Variants in CDH4 observed in about 807,000 individuals in gnomAD.
CDH4 encodes the protein cadherin-4.
Under a neutral mutation model 86.0 loss-of-function variants are expected in CDH4, and 33 were observed. That is an observed-to-expected ratio of 0.38 (90% CI 0.29 to 0.51). The LOEUF is 0.51. Ranked by LOEUF, CDH4 falls within the 20% of genes least tolerant of loss-of-function variation. The pLI is 0.86. For synonymous variants in CDH4, 555 were observed against 549.4 expected (o/e 1.01, Z -0.14); for missense variants, 1,114 against 1,307.4 (o/e 0.85, Z 2.28).
chr20:61,917,969 T>C (rs913399635), intron 9 of CDH4, among the ~76,000 whole-genome samples: 53 of 152,264 alleles, frequency 3.5e-4, no homozygotes, highest in Admixed American at 2.4e-3. Flanking sequence ...AGCCAATAAA[T>C]ATGGGAGAAA....
Position 61,936,786 on chromosome 20 carries a change from T to G in CDH4, c.2594T>G (p.Leu865Arg). ...NDPTAPPYDS[L>R]LVFDYEGSGS... Reference sequence around the variant, plus strand: ...CCCACGGCACCCCCCTATGACTCCCTGCTGGTCTTCGACTACGAGGGGAGC... The same window carrying G: ...CCCACGGCACCCCCCTATGACTCCCGGCTGGTCTTCGACTACGAGGGGAGC... The change falls in exon 16 of 16, where the codon CTG becomes CGG. Residue 865 changes from leucine (L) to arginine (R), a missense_variant. By Grantham distance (102) the Leu-to-Arg change is moderately radical (BLOSUM62 -2). Transcript: ENST00000614565. 1 of 1,610,488 alleles carries G rather than the reference T, an allele frequency of 6.2e-7. No homozygotes were observed. The highest frequency in any genetic ancestry group is 8.5e-7 in the Non-Finnish European group (1 of 1,179,064).
chr20:61,574,577 G>A (rs60514565), intron 2 of CDH4, among the ~76,000 whole-genome samples: 5,101 of 152,016 alleles, frequency 0.034, 291 homozygotes, highest in African/African-American at 0.11. Context: ...GAAAAAAAAT[G>A]GTCTCAGTGT....
At chr20:61,293,843 G>T (rs75617663) in intron 2 of CDH4, among the ~76,000 whole-genome samples, 1 of 152,184 alleles carries the variant, frequency 6.6e-6, no homozygotes, top group Non-Finnish European at 1.5e-5. Flanking sequence ...CCCTCACCAG[G>T]GTGGCATCCT....
chr20:61,630,557 G>A (rs1383329709), intron 2 of CDH4, among the ~76,000 whole-genome samples: 6 of 152,156 alleles, frequency 3.9e-5, no homozygotes, highest in African/African-American at 9.7e-5. Flanking sequence ...CAGGCTCCCC[G>A]TTTTGCACTG....
chr20:61,645,741 C>T (rs1273094223), intron 2 of CDH4, among the ~76,000 whole-genome samples: 1 of 152,186 alleles, frequency 6.6e-6, no homozygotes. Context: ...CCACCCAGAA[C>T]CACAGGGTGC....
intron 4 of CDH4, among the ~76,000 whole-genome samples, chr20:61,826,973 G>A (rs201787170): frequency 0.1 from 5,794 of 56,778 alleles, 222 homozygotes; most frequent in South Asian, 0.28. Context: ...GTGTGTGTGT[G>A]TGTGTGTGTG....
rs559447350 is a variant in CDH4 at position 61,516,091 on chromosome 20, G to A, written c.170-227472G>A. 4.6e-5 allele frequency among the ~76,000 whole-genome samples: 7 copies of A among 152,272 alleles called. No homozygotes were observed. The highest frequency in any genetic ancestry group is 6.5e-5 in the Admixed American group (1 of 15,300). On this transcript the variant is annotated intron_variant, in intron 2 of 15. Transcript: ENST00000614565. This position sits in a 1 kb window ranked among gnomAD's most constrained non-coding sequence, Gnocchi z 4.0. ...GGCAGCTCCCTCACCACAGGGGCTC[G>A]CCTCGTGCTCTGCGTTGCACTGGCA...
intron 2 of CDH4, among the ~76,000 whole-genome samples, chr20:61,380,375 CA>C (rs2084893098): frequency 6.6e-6 from 1 of 152,152 alleles, no homozygotes; most frequent in African/African-American, 2.4e-5. Flanking sequence ...CCGTTTTACC[CA>C]GTTCTGGGCC....
intron 2 of CDH4, among the ~76,000 whole-genome samples, chr20:61,586,671 A>T (rs942849817): frequency 2.0e-5 from 3 of 152,230 alleles, no homozygotes; most frequent in African/African-American, 4.8e-5. Context: ...GCGTGACTTT[A>T]CCAGGGTTGC....
At chr20:61,340,224 G>T (rs1330527089) in intron 2 of CDH4, among the ~76,000 whole-genome samples, 1 of 152,144 alleles carries the variant, frequency 6.6e-6, no homozygotes, top group African/African-American at 2.4e-5. Flanking sequence ...GAACCAACAG[G>T]TGACGAGGAA....
rs543317284 is a variant in CDH4, at chr20:61,715,644, G to C, written c.170-27919G>C. Among the ~76,000 whole-genome samples the C allele has an allele frequency of 6.9e-4, 105 of 152,334 alleles. No homozygotes were observed. In the Middle Eastern group the frequency reaches 0.01, roughly 15 times the overall value. ...TCAAACCACAGCACCTTTTAAATTT[G>C]CCTCTAGGGACAGACATAGGTGGCT... On this transcript the variant is annotated intron_variant, in intron 2 of 15. Transcript: ENST00000614565.
chr20:61,882,866 C>T (rs892326060), intron 7 of CDH4, among the ~76,000 whole-genome samples: 1 of 151,626 alleles, frequency 6.6e-6, no homozygotes, highest in Non-Finnish European at 1.5e-5. Flanking sequence ...CCGGCCGGCC[C>T]CGCAGGTGCC....
chr20:61,388,358 G>A (rs2084963523), intron 2 of CDH4, among the ~76,000 whole-genome samples: 1 of 152,198 alleles, frequency 6.6e-6, no homozygotes, highest in East Asian at 1.9e-4. Flanking sequence ...GCCCTTCATC[G>A]GCTCCAAAGT....
chr20:61,730,868 C>T (rs545227590), intron 2 of CDH4, among the ~76,000 whole-genome samples: 75 of 147,766 alleles, frequency 5.1e-4, no homozygotes, highest in African/African-American at 1.8e-3. Context: ...GACCACTGGG[C>T]CATGCAGGCA....
chr20:61,398,232 A>C (rs16985082), intron 2 of CDH4, among the ~76,000 whole-genome samples: 7,453 of 152,280 alleles, frequency 0.049, 293 homozygotes, highest in East Asian at 0.21. Context: ...CTGATTCTGC[A>C]TTATGGTAGA....
intron 7 of CDH4, among the ~76,000 whole-genome samples, chr20:61,888,765 T>C (rs983821923): frequency 6.6e-6 from 1 of 152,170 alleles, no homozygotes; most frequent in Non-Finnish European, 1.5e-5. Flanking sequence ...GTCCCATCCA[T>C]AACAAAGGCC....
chr20:61,839,869 G>A (rs190825469), intron 4 of CDH4, among the ~76,000 whole-genome samples: 84 of 151,506 alleles, frequency 5.5e-4, no homozygotes, highest in African/African-American at 1.9e-3. Context: ...TTTGTGTATT[G>A]TGTGCTTGTG....
intron 2 of CDH4, among the ~76,000 whole-genome samples, chr20:61,361,477 G>T (rs1407204269): frequency 6.6e-6 from 1 of 152,174 alleles, no homozygotes; most frequent in Non-Finnish European, 1.5e-5. Flanking sequence ...GGATACAGCT[G>T]CAGTGATCAA....
At chr20:61,639,375 G>A (rs986851795) in intron 2 of CDH4, among the ~76,000 whole-genome samples, 19 of 152,212 alleles carry the variant, frequency 1.2e-4, no homozygotes, top group African/African-American at 4.3e-4. Flanking sequence ...CCAGCAGGGC[G>A]GCTCAGCATG....
Sources: allele counts gnomAD v4.1 joint callset (sites outside exome capture counted in the v4.1 genomes callset), GRCh38; gene constraint gnomAD v4.1.1; non-coding constraint Gnocchi (gnomAD v3.1); transcripts MANE v1.5; gene names NCBI Gene and HGNC (gene_info 2026-07-23, HGNC 2026-07-21).